The following SETD1A variants were observed in gnomAD, a reference collection of about 807,000 sequenced individuals.
The protein encoded by SETD1A is SET domain containing 1A, histone lysine methyltransferase.
SETD1A carries 29 observed loss-of-function variants against 149.9 expected under a neutral mutation model. That is an observed-to-expected ratio of 0.19 (90% CI 0.14 to 0.26). The LOEUF (loss-of-function observed/expected upper bound fraction) is 0.26. Ranked by LOEUF, SETD1A falls within the 10% of genes least tolerant of loss-of-function variation. The probability of loss-of-function intolerance (pLI) is 1.00; values close to 1 mark genes in which losing one functional copy is unlikely to be tolerated. For synonymous variants in SETD1A, 1,141 were observed against 968.5 expected, an observed-to-expected ratio of 1.18 and a Z score of -3.31; for missense variants, 2,109 against 2,353.1, an observed-to-expected ratio of 0.90 and a Z score of 2.15.
At chr16:30,978,574 A>G (rs1448437136) in intron 13 of SETD1A, among the ~76,000 whole-genome samples, 2 of 152,214 alleles carry the variant, frequency 1.3e-5, no homozygotes, top group African/African-American at 2.4e-5. Context: ...CCCTCCCTGC[A>G]GGGCATGTTC....
rs886064537 is a variant in SETD1A, at chr16:30,966,744, CG to C, written c.2506-135del. The C allele has an allele frequency of 6.2e-6, 6 of 969,742 alleles. No homozygotes were observed. The African/African-American group carries it at 8.2e-5, about 13-fold the overall frequency. 60.1% of individuals were successfully genotyped at this position (969,742 alleles called of 1,614,324 possible). A position where few individuals can be genotyped will look rare whatever the true frequency, so the allele number is the denominator to read the frequency against. Reference sequence around the variant, plus strand: ...GACAGACTTTTGAGAAAATGCCGTGCGGGGGCTGGGACAGGTGTGACCAAGA... The same window carrying C: ...GACAGACTTTTGAGAAAATGCCGTGCGGGGCTGGGACAGGTGTGACCAAGA... On this transcript the variant is annotated intron_variant, in intron 8 of 18. Transcript: ENST00000262519.
Position 30,965,381 on chromosome 16 carries a change from A to G in SETD1A, c.1639A>G (p.Asn547Asp). The G allele has an allele frequency of 6.2e-7, 1 of 1,607,068 alleles. No individual in the cohort carries two copies. The highest frequency in any genetic ancestry group is 8.5e-7 in the Non-Finnish European group (1 of 1,175,832). ...GPCTPPPAPA[N>D]FEDVAPTGSG... ...CTGCACACCCCCTCCGGCCCCAGCT[A>G]ATTTTGAGGATGTGGCACCTACAGG... The change falls in exon 7 of 19, where the codon AAT becomes GAT. Residue 547 changes from asparagine to aspartate, a missense_variant. Around this residue, in one of 8 missense-constraint regions of SETD1A, gnomAD observed 431 missense variants for 388.6 expected, o/e 1.11. Coordinates refer to ENST00000262519, the MANE Select transcript of SETD1A (RefSeq NM_014712.3).
At position 30,984,177 on chromosome 16, in the gene SETD1A, T is replaced by G; in HGVS notation, c.*154T>G. 1 of 632,428 alleles carries G rather than the reference T, an allele frequency of 1.6e-6. No homozygotes were observed. Among genetic ancestry groups the G allele is most frequent in the Non-Finnish European group, 2.7e-6 (1 of 370,728 alleles). 39.2% of individuals were successfully genotyped at this position (632,428 alleles called of 1,614,324 possible). On this transcript the variant is annotated 3_prime_UTR_variant, in exon 19 of 19. Transcript: ENST00000262519. ...CCCAAGCCCAGCGAGGGAGCCTCAG[T>G]CCCTGGAGGCAGCTTCTGCCTCTCC... is the stretch of plus-strand genomic sequence containing the variant.
At position 30,983,020 on chromosome 16, in the gene SETD1A, G is replaced by A. The variant is rs530516844; in HGVS notation, c.4813-615G>A. 2.6e-5 allele frequency among the ~76,000 whole-genome samples: 4 copies of A among 152,208 alleles called. No homozygotes were observed. Among genetic ancestry groups the A allele is most frequent in the African/African-American group, 4.8e-5 (2 of 41,450 alleles). On this transcript the variant is annotated intron_variant, in intron 17 of 18. Coordinates refer to ENST00000262519, the MANE Select transcript of SETD1A (RefSeq NM_014712.3). The surrounding 1 kb of genome is among the most constrained non-coding windows in gnomAD (Gnocchi z 6.8). ...GGATGACGCCCAGCAGCTCCACTGA[G>A]GTGGCTTTTGGCTGGAAATGGAAGT... is the stretch of plus-strand genomic sequence containing the variant.
In SETD1A at chr16:30,965,334, C is replaced by T. The variant is rs373184400; in HGVS notation, c.1592C>T (p.Pro531Leu). Residue 531 changes from proline to leucine, a missense_variant, in exon 7 of 19, where the codon CCT becomes CTT. Around this residue, in one of 8 missense-constraint regions of SETD1A, gnomAD observed 431 missense variants for 388.6 expected, o/e 1.11. Coordinates refer to ENST00000262519, the MANE Select transcript of SETD1A (RefSeq NM_014712.3). ...GCCAGAGATACAGGGAGTGAGGTGC[C>T]TTCTGGGTCAGGGCATGGGCCCTGC... is the stretch of plus-strand genomic sequence containing the variant. ...LGARDTGSEV[P>L]SGSGHGPCTP... 2 of 1,614,062 alleles carry T rather than the reference C, an allele frequency of 1.2e-6. No homozygotes were observed. Among genetic ancestry groups the T allele is most frequent in the African/African-American group, 1.3e-5 (1 of 74,940 alleles).
chr16:30,959,080 T>G lies in SETD1A; in HGVS notation c.151-11T>G. 1 of 1,601,540 alleles carries G rather than the reference T, an allele frequency of 6.2e-7. No homozygotes were observed. Among genetic ancestry groups the G allele is most frequent in the South Asian group, 1.1e-5 (1 of 90,786 alleles). On this transcript the variant is annotated splice_polypyrimidine_tract_variant and intron_variant, in intron 2 of 18. Transcript: ENST00000262519. ...CCTGAGCTCTCTTTCTGCTGCTGCT[T>G]TCCTTCCTAGGACTCAAAGTATATA... is the stretch of plus-strand genomic sequence containing the variant.
chr16:30,983,569 T>TGGCA lies in SETD1A; in HGVS notation c.4813-62_4813-59dup. ...GTGGGCGTGGACCTGGGGTGCTGGCTGGCAGGCGTGCTCAGGGGCAGGAAG... is the reference window on the plus strand; with the variant it reads ...GTGGGCGTGGACCTGGGGTGCTGGCTGGCAGGCAGGCGTGCTCAGGGGCAGGAAG... On this transcript the variant is annotated intron_variant, in intron 17 of 18. Transcript: ENST00000262519. The surrounding 1 kb of genome is among the most constrained non-coding windows in gnomAD (Gnocchi z 6.8). 6.4e-7 allele frequency: 1 copy of TGGCA among 1,562,090 alleles called. No homozygotes were observed.
rs2056422299 is a variant in SETD1A, at chr16:30,984,104, G to T, written c.*81G>T. On this transcript the variant is annotated 3_prime_UTR_variant, in exon 19 of 19. Transcript: ENST00000262519. ...CCCAGCACCCCCCCAGCCTTAGTGG[G>T]CTCAGCAGGGCCCACATGCCCCCAT... 2.3e-6 allele frequency: 3 copies of T among 1,316,380 alleles called. No homozygotes were observed. The highest frequency in any genetic ancestry group is 1.0e-6 in the Non-Finnish European group (1 of 970,566). 81.5% of individuals were successfully genotyped at this position (1,316,380 alleles called of 1,614,324 possible).
Position 30,960,730 on chromosome 16 carries a change from C to CTTTTTTTTTTTTTTTTTTTTT in SETD1A, c.247-534_247-514dup, listed in dbSNP as rs71374043. 2.5e-5 allele frequency among the ~76,000 whole-genome samples: 2 copies of CTTTTTTTTTTTTTTTTTTTTT among 80,552 alleles called. 1 individual carries two copies. The allele number at this position is 80,552 out of a possible 152,430, so 52.8% of individuals were successfully genotyped here. On this transcript the variant is annotated intron_variant, in intron 3 of 18. Transcript: ENST00000262519. ...AGTGTGTACATTTCTTTCTTTCTTTCTTTTTTTTTTTTTTTTTTTTTTTGA... is the reference window on the plus strand; with the variant it reads ...AGTGTGTACATTTCTTTCTTTCTTTCTTTTTTTTTTTTTTTTTTTTTTTTTTTTTTTTTTTTTTTTTTTTGA...
chr16:30,973,280 G>A (rs1039313992), intron 13 of SETD1A, among the ~76,000 whole-genome samples: 5 of 152,142 alleles, frequency 3.3e-5, no homozygotes, highest in African/African-American at 4.8e-5. Flanking sequence ...CTTGGAAAGG[G>A]GCCACAGTGG....
At chr16:30,962,880 G>A (rs1162611242) in intron 4 of SETD1A, among the ~76,000 whole-genome samples, 1 of 152,250 alleles carries the variant, frequency 6.6e-6, no homozygotes, top group Admixed American at 6.5e-5. Context: ...GGGAGGTGGA[G>A]ATTACATCGT....
At position 30,959,280 on chromosome 16, in the gene SETD1A, A is replaced by G. The variant is rs543941934; in HGVS notation, c.246+94A>G. On this transcript the variant is annotated intron_variant, in intron 3 of 18. Transcript: ENST00000262519. The stretch of plus-strand genomic sequence containing the variant: ...GCTGAATAAAAGGGTTTCCAATGAA[A>G]GGATCTCAGCCAGATCTAGCAACCT... 544 of 873,324 alleles carry G rather than the reference A, an allele frequency of 6.2e-4. 1 individual carries two copies. The highest frequency in any genetic ancestry group is 1.0e-3 in the Non-Finnish European group (514 of 510,574). The allele number at this position is 873,324 out of a possible 1,614,324, so 54.1% of individuals were successfully genotyped here. A position where few individuals can be genotyped will look rare whatever the true frequency, so the allele number is the denominator to read the frequency against.
intron 13 of SETD1A, among the ~76,000 whole-genome samples, chr16:30,975,969 G>A (rs1323012670): frequency 6.6e-6 from 1 of 152,120 alleles, no homozygotes; most frequent in Non-Finnish European, 1.5e-5. Context: ...TGGGGAGGTG[G>A]AGGAGTAGCT....
Position 30,966,924 on chromosome 16 carries a change from A to T in SETD1A, c.2546A>T (p.Asp849Val). The T allele has an allele frequency of 6.4e-7, 1 of 1,572,406 alleles. No individual in the cohort carries two copies. Among genetic ancestry groups the T allele is most frequent in the East Asian group, 2.3e-5 (1 of 42,676 alleles). ...GCCAAGCAGCAAGCCAAGGAGGAGGATAAAGAGAAGACGAAGCTGAAGGAG... is the reference window on the plus strand; with the variant it reads ...GCCAAGCAGCAAGCCAAGGAGGAGGTTAAAGAGAAGACGAAGCTGAAGGAG... ...NAAKQQAKEE[D>V]KEKTKLKEPG... Residue 849 changes from aspartate (D) to valine (V), a missense_variant, in exon 9 of 19, where the codon GAT becomes GTT. Asp to Val is a radical substitution (Grantham distance 152, BLOSUM62 -3). Coordinates refer to ENST00000262519, the MANE Select transcript of SETD1A (RefSeq NM_014712.3).
At position 30,978,128 on chromosome 16, in the gene SETD1A, G is replaced by A. The variant is rs1485045572; in HGVS notation, c.3359-1017G>A. Among the ~76,000 whole-genome samples the A allele has an allele frequency of 5.3e-5, 8 of 152,204 alleles. No individual in the cohort carries two copies. The East Asian group carries it at 1.5e-3, about 29-fold the overall frequency. On this transcript the variant is annotated intron_variant, in intron 13 of 18. Coordinates refer to ENST00000262519, the MANE Select transcript of SETD1A (RefSeq NM_014712.3). ...GCTTCTACTAAAAATACAAAACTTAGCTGGGTGTGGTGGTGCATGCCTGTA... is the reference window on the plus strand; with the variant it reads ...GCTTCTACTAAAAATACAAAACTTAACTGGGTGTGGTGGTGCATGCCTGTA...
In SETD1A at chr16:30,984,405, G is replaced by A. The variant is rs2056426950; in HGVS notation, c.*382G>A. On this transcript the variant is annotated 3_prime_UTR_variant, in exon 19 of 19. Transcript: ENST00000262519. Reference sequence around the variant, plus strand: ...CCTGCGTGTACCCCTCCCCAGTTTAGGGGTCTCTGGGGCAGTGGCCATGTT... The same window carrying A: ...CCTGCGTGTACCCCTCCCCAGTTTAAGGGTCTCTGGGGCAGTGGCCATGTT... 1 of 188,064 alleles carries A rather than the reference G, an allele frequency of 5.3e-6. No homozygotes were observed. The highest frequency in any genetic ancestry group is 1.1e-5 in the Non-Finnish European group (1 of 89,504). The allele number at this position is 188,064 out of a possible 1,614,324, so 11.6% of individuals were successfully genotyped here. A position where few individuals can be genotyped will look rare whatever the true frequency, so the allele number is the denominator to read the frequency against.
At position 30,980,614 on chromosome 16, in the gene SETD1A, T is replaced by C. The variant is rs760777073; in HGVS notation, c.4538T>C (p.Val1513Ala). 1.2e-6 allele frequency: 2 copies of C among 1,613,814 alleles called. No individual in the cohort carries two copies. The highest frequency in any genetic ancestry group is 1.3e-5 in the African/African-American group (1 of 74,942). Residue 1513 changes from valine (V) to alanine (A), a missense_variant, in exon 15 of 19, where the codon GTG becomes GCG. Coordinates refer to ENST00000262519, the MANE Select transcript of SETD1A (RefSeq NM_014712.3). This position sits in a 1 kb window ranked among gnomAD's most constrained non-coding sequence, Gnocchi z 7.7. ...AAGGAGAAGGACAAGTACCTGGACG[T>C]GTGCCCAGTCTCGGCCCGGCAGCTG... ...SKKEKDKYLD[V>A]CPVSARQLEG...
At chr16:30,977,737 G>A (rs1304540731) in intron 13 of SETD1A, among the ~76,000 whole-genome samples, 4 of 152,222 alleles carry the variant, frequency 2.6e-5, no homozygotes, top group Non-Finnish European at 5.9e-5. Context: ...CTAAGGTGCA[G>A]CCAAGAGCCT....
At chr16:30,969,763 C>A in intron 12 of SETD1A, 74 bp downstream of exon 12, 2 of 1,158,246 alleles carry the variant, frequency 1.7e-6, no homozygotes, top group Admixed American at 1.7e-5. Context: ...CTTTTCTGAG[C>A]CCACATGACC....
Sources: allele counts gnomAD v4.1 joint callset (sites outside exome capture counted in the v4.1 genomes callset), GRCh38; gene constraint gnomAD v4.1.1; regional missense constraint gnomAD v4.1.1; non-coding constraint Gnocchi (gnomAD v3.1); transcripts MANE v1.5; gene names NCBI Gene and HGNC (gene_info 2026-07-23, HGNC 2026-07-21).